Variants in COG7 observed in about 807,000 individuals in gnomAD.
COG7 encodes the protein conserved oligomeric Golgi complex subunit 7.
A neutral mutation model predicts 91.5 loss-of-function variants in COG7; 49 were observed. The observed-to-expected ratio is 0.54, with a 90% confidence interval of 0.43 to 0.68. The LOEUF (loss-of-function observed/expected upper bound fraction) is 0.68. Among genes scored for constraint, COG7 ranks in the 30% least tolerant of loss-of-function variants. The probability of loss-of-function intolerance (pLI) is 0.00; values close to 1 mark genes in which losing one functional copy is unlikely to be tolerated. For missense variants in COG7, 895 were observed against 961.3 expected (o/e 0.93, Z 0.91); for synonymous variants, 365 against 388.7 (o/e 0.94, Z 0.72).
At chr16:23,404,188 G>C (rs977856327) in intron 12 of COG7, among the ~76,000 whole-genome samples, 1 of 152,230 alleles carries the variant, frequency 6.6e-6, no homozygotes, top group Non-Finnish European at 1.5e-5. Flanking sequence ...GGGAAAGAGG[G>C]GGGAAACAAG....
intron 1 of COG7, among the ~76,000 whole-genome samples, chr16:23,452,321 G>A (rs1002371396): frequency 1.4e-4 from 22 of 152,198 alleles, no homozygotes; most frequent in Non-Finnish European, 3.1e-4. Flanking sequence ...CAGTACTTTG[G>A]GAGGCCAAGA....
At chr16:23,446,060 C>CA in intron 1 of COG7, 99 bp from the exon 2 acceptor site, 4 of 1,407,036 alleles carry the variant, frequency 2.8e-6, no homozygotes, top group Non-Finnish European at 1.9e-6. Flanking sequence ...ACAAATCAGA[C>CA]AACAGAAAGG....
At position 23,398,063 on chromosome 16, in the gene COG7, G is replaced by A; in HGVS notation, c.1870C>T (p.Leu624Phe). 6.8e-6 allele frequency: 11 copies of A among 1,614,152 alleles called. No homozygotes were observed. Among genetic ancestry groups the A allele is most frequent in the Non-Finnish European group, 9.3e-6 (11 of 1,180,004 alleles). The change falls in exon 14 of 17, where the codon CTC (leucine) becomes TTC (phenylalanine). Residue 624 changes from leucine to phenylalanine, a missense_variant. By Grantham distance (22) the Leu-to-Phe change is conservative. Coordinates refer to ENST00000307149, the MANE Select transcript of COG7 (RefSeq NM_153603.4). The stretch of plus-strand genomic sequence containing the variant: ...GCTCTTACGTTGCTGATGTACTCGA[G>A]AGGGGTGAGACTAAAGGCGGGCAGT... ...DELPAFSLTPLEYISNIGQYI... is the reference protein window; with the variant it reads ...DELPAFSLTPFEYISNIGQYI...
chr16:23,417,146 T>G (rs1256820084), intron 8 of COG7, 25 bp from the exon 9 acceptor site: 1 of 1,613,692 alleles, frequency 6.2e-7, no homozygotes. Context: ...CAGACAAAGC[T>G]GCATTAGGCT....
intron 7 of COG7, among the ~76,000 whole-genome samples, chr16:23,420,494 G>A (rs1963736331): frequency 6.6e-6 from 1 of 152,030 alleles, no homozygotes; most frequent in Admixed American, 6.6e-5. Flanking sequence ...CCTTCTCTCA[G>A]TTCCTAAAAG....
intron 6 of COG7, among the ~76,000 whole-genome samples, chr16:23,426,865 C>G (rs1963857277): frequency 6.8e-6 from 1 of 147,798 alleles, no homozygotes; most frequent in South Asian, 2.2e-4. Flanking sequence ...AAAGAAAAGG[C>G]ATCCAAATTG....
chr16:23,402,522 C>T (rs1386692955), intron 13 of COG7, among the ~76,000 whole-genome samples: 1 of 152,122 alleles, frequency 6.6e-6, no homozygotes, highest in Admixed American at 6.5e-5. Flanking sequence ...TAAATTCTAT[C>T]AATATACAAA....
At chr16:23,407,062 TTA>T in intron 11 of COG7, among the ~76,000 whole-genome samples, 1 of 152,358 alleles carries the variant, frequency 6.6e-6, no homozygotes, top group Middle Eastern at 3.4e-3. Context: ...GCCTTCTCTT[TTA>T]CTGTAATTTC....
At chr16:23,438,875 T>C (rs1217185670) in intron 4 of COG7, among the ~76,000 whole-genome samples, 2 of 151,870 alleles carry the variant, frequency 1.3e-5, no homozygotes, top group Non-Finnish European at 1.5e-5. Flanking sequence ...GATTACCATA[T>C]GGCCGGGTGT....
Position 23,434,801 on chromosome 16 carries a change from T to TA in COG7, c.605-84dup, listed in dbSNP as rs1963989693. ...AAAAACTCACCAGGATGAAGGTGGA[T>TA]ATATGGAAGCTAGTATTCACAAGTT... On this transcript the variant is annotated intron_variant, in intron 4 of 16. Transcript: ENST00000307149. 6.8e-6 allele frequency: 6 copies of TA among 880,704 alleles called. No individual in the cohort carries two copies. In the South Asian group the frequency reaches 8.2e-5, roughly 12 times the overall value. 54.6% of individuals were successfully genotyped at this position (880,704 alleles called of 1,614,324 possible). A position where few individuals can be genotyped will look rare whatever the true frequency, so the allele number is the denominator to read the frequency against.
chr16:23,410,210 C>T, intron 11 of COG7, 85 bp downstream of exon 11: 2 of 1,054,184 alleles, frequency 1.9e-6, no homozygotes, highest in South Asian at 1.3e-5. Flanking sequence ...CTGGCATATG[C>T]TGTCCTTGCT....
rs141498927 is a variant in COG7, at chr16:23,392,914, C to G, written c.2002+319G>C. On this transcript the variant is annotated intron_variant, in intron 15 of 16. Coordinates refer to ENST00000307149, the MANE Select transcript of COG7 (RefSeq NM_153603.4). ...CCACTGCACTCCAGCCTAGGTGACA[C>G]AGCAAGACTCTGTCTCAATAATAAC... 6.0e-3 allele frequency among the ~76,000 whole-genome samples: 907 copies of G among 152,194 alleles called. 10 individuals carry two copies. Among genetic ancestry groups the G allele is most frequent in the African/African-American group, 0.021 (856 of 41,524 alleles).
intron 16 of COG7, chr16:23,391,821 C>G (rs900195379): frequency 1.3e-5 from 3 of 223,384 alleles, no homozygotes; most frequent in African/African-American, 6.8e-5. Context: ...CAGGCAGGAG[C>G]AAAGGGGACA....
At chr16:23,406,309 A>C (rs1365013988) in intron 11 of COG7, 47 bp from the exon 12 acceptor site, 2 of 1,523,900 alleles carry the variant, frequency 1.3e-6, no homozygotes, top group African/African-American at 2.7e-5. Context: ...TTTGCATGGA[A>C]CTTTCTTCTT....
At chr16:23,403,639 G>GC in intron 13 of COG7, 55 bp downstream of exon 13, 1 of 1,596,908 alleles carries the variant, frequency 6.3e-7, no homozygotes, top group South Asian at 1.1e-5. Context: ...CACTCAGTAT[G>GC]CTTGAGTTGG....
In COG7 at chr16:23,407,226, C is replaced by T. The variant is rs1567332616; in HGVS notation, c.1476-964G>A. 2.0e-5 allele frequency among the ~76,000 whole-genome samples: 3 copies of T among 152,234 alleles called. No homozygotes were observed. The South Asian group carries it at 6.2e-4, about 31-fold the overall frequency. ...AAGCCACTGCTGACATAAGCAGCTA[C>T]CTGCCTCTGCCATTAAGTTCAAGTT... On this transcript the variant is annotated intron_variant, in intron 11 of 16. Coordinates refer to ENST00000307149, the MANE Select transcript of COG7 (RefSeq NM_153603.4).
chr16:23,401,930 G>A lies in COG7; in HGVS notation c.1803+1764C>T, dbSNP rs1435316506. Among the ~76,000 whole-genome samples, 10 of 152,062 alleles carry A rather than the reference G, an allele frequency of 6.6e-5. 1 individual carries two copies. Among genetic ancestry groups the A allele is most frequent in the East Asian group, 5.8e-4 (3 of 5,188 alleles). ...AAATTAGCCTGGAGTGGTGGCAGGC[G>A]CCTATAGTCCCAGCTACTCGAGAAG... On this transcript the variant is annotated intron_variant, in intron 13 of 16. Transcript: ENST00000307149.
At chr16:23,443,449 T>C (rs1964133722) in intron 3 of COG7, among the ~76,000 whole-genome samples, 1 of 152,184 alleles carries the variant, frequency 6.6e-6, no homozygotes, top group Admixed American at 6.5e-5. Flanking sequence ...TCCCAGCACT[T>C]TGGGAGGCCA....
intron 11 of COG7, among the ~76,000 whole-genome samples, chr16:23,409,064 C>CGTGTGTGTGTGT (rs139188327): frequency 2.4e-4 from 34 of 141,462 alleles, no homozygotes; most frequent in African/African-American, 5.8e-4. Flanking sequence ...AGTGTGCATG[C>CGTGTGTGTGTGT]GTGTGTGTGT....
Sources: allele counts gnomAD v4.1 joint callset (sites outside exome capture counted in the v4.1 genomes callset), GRCh38; gene constraint gnomAD v4.1.1; transcripts MANE v1.5; gene names NCBI Gene and HGNC (gene_info 2026-07-23, HGNC 2026-07-21).